Variants in PUDP observed in about 807,000 individuals in gnomAD.
The protein encoded by PUDP is pseudouridine-5'-phosphatase.
A neutral mutation model predicts 9.4 loss-of-function variants in PUDP; 8 were observed. That is an observed-to-expected ratio of 0.85 (90% CI 0.50 to 1.53). The LOEUF (loss-of-function observed/expected upper bound fraction) is 1.53, where lower values mean the gene tolerates loss of function less well. Among genes scored for constraint, PUDP ranks in the 40% most tolerant of loss-of-function variants. The pLI is 0.00. For missense variants in PUDP, 188 were observed against 189.7 expected (o/e 0.99, Z 0.05); for synonymous variants, 99 against 80.7 (o/e 1.23, Z -1.22).
At chrX:6,873,313 T>C (rs182662480) in intron 3 of PUDP, among the ~76,000 whole-genome samples, 1 of 112,087 alleles carries the variant, frequency 8.9e-6, no homozygotes, top group East Asian at 2.8e-4. Flanking sequence ...TCTAAGTTAC[T>C]ACGAATCAAA....
intron 2 of PUDP, among the ~76,000 whole-genome samples, chrX:6,978,155 A>AGAACC (rs756540361): frequency 1.6e-3 from 177 of 112,581 alleles, no homozygotes; most frequent in Admixed American, 5.6e-3. Flanking sequence ...CTAGTAACAC[A>AGAACC]GAACCTTACC....
intron 3 of PUDP, among the ~76,000 whole-genome samples, chrX:6,955,863 GA>G (rs145632658): frequency 0.21 from 23,313 of 110,955 alleles, 1,951 homozygotes; most frequent in Admixed American, 0.35. Flanking sequence ...TATTACCCCT[GA>G]ACAATATAAA....
intron 2 of PUDP, among the ~76,000 whole-genome samples, chrX:7,098,989 T>C (rs1931654293): frequency 1.8e-5 from 2 of 111,304 alleles, no homozygotes; most frequent in African/African-American, 6.5e-5. Context: ...CAAGGCAGGC[T>C]GTCCTTTCTA....
intron 3 of PUDP, among the ~76,000 whole-genome samples, chrX:6,874,851 T>C (rs1002199602): frequency 5.4e-5 from 6 of 112,024 alleles, no homozygotes; most frequent in Non-Finnish European, 9.4e-5. Context: ...GATGCTCATT[T>C]GGATATTAAA....
chrX:7,110,441 T>C (rs150615994), intron 1 of PUDP, among the ~76,000 whole-genome samples: 2,680 of 112,095 alleles, frequency 0.024, 50 homozygotes, highest in African/African-American at 0.053. Context: ...ACCATGCAAA[T>C]GGGGACCTAT....
intron 1 of PUDP, among the ~76,000 whole-genome samples, chrX:7,128,555 G>A (rs1261213806): frequency 9.0e-6 from 1 of 111,192 alleles, no homozygotes; most frequent in African/African-American, 3.3e-5. Flanking sequence ...AAAGGGCTAG[G>A]GACCCAATGG....
chrX:6,854,027 G>A (rs1428092991), intron 3 of PUDP, among the ~76,000 whole-genome samples: 1 of 111,737 alleles, frequency 8.9e-6, no homozygotes, highest in Non-Finnish European at 1.9e-5. Flanking sequence ...GCCTACTAAC[G>A]TGCTGGGATT....
intron 3 of PUDP, among the ~76,000 whole-genome samples, chrX:7,061,119 C>A (rs1222859481): frequency 9.0e-6 from 1 of 111,440 alleles, no homozygotes; most frequent in Non-Finnish European, 1.9e-5. Context: ...TAGAGAAGAG[C>A]GAGAATGTGC....
chrX:6,835,350 C>T (rs774028878), intron 3 of PUDP, among the ~76,000 whole-genome samples: 106 of 110,570 alleles, frequency 9.6e-4, no homozygotes, highest in African/African-American at 3.3e-3. Context: ...GATTTTAGCC[C>T]GACGATACCC....
In PUDP at chrX:7,136,427, T is replaced by G. The variant is rs748678208; in HGVS notation, c.61+11626A>C. ...TGGCACTGCGGGCACCTTCGTCTCC[T>G]GCATGATTACTCTATGATTTTGGCT... is the stretch of plus-strand genomic sequence containing the variant. On this transcript the variant is annotated intron_variant, in intron 1 of 3. Coordinates refer to ENST00000381077, the MANE Select transcript of PUDP (RefSeq NM_012080.5). 2.7e-5 allele frequency among the ~76,000 whole-genome samples: 3 copies of G among 112,067 alleles called. No individual in the cohort carries two copies. The South Asian group carries it at 1.1e-3, about 42-fold the overall frequency.
At chrX:6,732,561 G>C (rs1456071092) in intron 3 of PUDP, among the ~76,000 whole-genome samples, 1 of 102,348 alleles carries the variant, frequency 9.8e-6, no homozygotes, top group Non-Finnish European at 2.0e-5. Flanking sequence ...AAGAGGGAGG[G>C]AGGTAGGGAG....
At chrX:7,114,549 A>G (rs1385196570) in intron 1 of PUDP, among the ~76,000 whole-genome samples, 1 of 111,694 alleles carries the variant, frequency 9.0e-6, no homozygotes, top group Non-Finnish European at 1.9e-5. Context: ...CACATTGGGG[A>G]TTAAGTTTCA....
rs747481639 is a variant in PUDP, at chrX:6,876,950, T to TACACAC, written c.*247+100177_*247+100182dup. ...ACACATATATACATTCATATATGTG[T>TACACAC]ACACACACACACACACACACACACA... On this transcript the variant is annotated intron_variant and NMD_transcript_variant, in intron 3 of 3. Coordinates refer to the PUDP transcript ENST00000655425. Among the ~76,000 whole-genome samples, 5 of 92,571 alleles carry TACACAC rather than the reference T, an allele frequency of 5.4e-5. No homozygotes were observed. The South Asian group carries it at 2.5e-3, about 46-fold the overall frequency. 80.4% of individuals were successfully genotyped at this position (92,571 alleles called of 115,157 possible).
At chrX:7,032,693 A>G (rs1312964161) in intron 1 of PUDP, among the ~76,000 whole-genome samples, 1 of 112,101 alleles carries the variant, frequency 8.9e-6, no homozygotes, top group Non-Finnish European at 1.9e-5. Context: ...TAATAAGAAC[A>G]GCAGTTGCCT....
rs190199866 is a variant in PUDP at position 6,759,847 on chromosome X, T to G, written c.*248-53381A>C. On this transcript the variant is annotated intron_variant and NMD_transcript_variant, in intron 3 of 3. Transcript: ENST00000655425. ...ACAACGATGCTGCCAACAAGCTCTG[T>G]GGCATTGTGGACGCTTCTCATTCGC... Among the ~76,000 whole-genome samples, 297 of 111,515 alleles carry G rather than the reference T, an allele frequency of 2.7e-3. 1 individual carries two copies. The highest frequency in any genetic ancestry group is 9.3e-3 in the African/African-American group (286 of 30,654).
chrX:7,148,059 G>A lies in PUDP; in HGVS notation c.55C>T (p.Leu19Phe), dbSNP rs746683589. The A allele has an allele frequency of 2.6e-6, 3 of 1,138,493 alleles. No individual in the cohort carries two copies. The highest frequency in any genetic ancestry group is 7.2e-5 in the East Asian group (2 of 27,764). The allele number at this position is 1,138,493 out of a possible 1,213,427, so 93.8% of individuals were successfully genotyped here. ...THLIFDMDGL[L>F]LDTERLYSVV... The stretch of plus-strand genomic sequence containing the variant: ...GCGGCTGCACACTACCCACCCAGAA[G>A]AAGTCCGTCCATGTCAAAGATGAGG... Residue 19 changes from leucine to phenylalanine, a missense_variant, in exon 1 of 4, where the codon CTT (leucine) becomes TTT (phenylalanine). Coordinates refer to ENST00000381077, the MANE Select transcript of PUDP (RefSeq NM_012080.5).
intron 3 of PUDP, among the ~76,000 whole-genome samples, chrX:6,890,289 A>AT (rs1434075833): frequency 8.9e-6 from 1 of 111,962 alleles, no homozygotes; most frequent in Non-Finnish European, 1.9e-5. Context: ...TACCCTGGAC[A>AT]TTTAGAATTT....
intron 1 of PUDP, among the ~76,000 whole-genome samples, chrX:7,032,510 A>T (rs1326976123): frequency 2.7e-5 from 3 of 112,683 alleles, no homozygotes; most frequent in Non-Finnish European, 5.6e-5. Context: ...TTACATATTC[A>T]TATAATGACA....
At chrX:6,860,468 G>GTTTTTTTTT (rs1462065871) in intron 3 of PUDP, among the ~76,000 whole-genome samples, 6 of 100,439 alleles carry the variant, frequency 6.0e-5, no homozygotes, top group South Asian at 5.1e-4. Flanking sequence ...GTGGTTTTTT[G>GTTTTTTTTT]TTTTTTGTTT....
Sources: gnomAD v4.1 joint callset for allele counts (sites outside exome capture counted in the v4.1 genomes callset) on GRCh38, gnomAD v4.1.1 for gene constraint, MANE v1.5 for transcripts, NCBI Gene and HGNC (gene_info 2026-07-23, HGNC 2026-07-21) for gene names.